OR14J1: variants seen among roughly 807,000 people sequenced by gnomAD.
OR14J1 encodes olfactory receptor 14J1.
For synonymous variants in OR14J1, 140 were observed against 146.7 expected (o/e 0.95, Z 0.33); for missense variants, 378 against 393.4 (o/e 0.96, Z 0.33).
intron 1 of OR14J1, among the ~76,000 whole-genome samples, chr6:29,301,991 A>T (rs1370754053): frequency 6.6e-6 from 1 of 152,144 alleles, no homozygotes; most frequent in Non-Finnish European, 1.5e-5. Context: ...TATAAAGCAT[A>T]AAAAAGTTAG....
chr6:29,310,008 A>G lies in OR14J1; in HGVS notation c.*2353A>G, dbSNP rs1775395789. The G allele has an allele frequency of 6.6e-6, 1 of 152,198 alleles. No homozygotes were observed. Among genetic ancestry groups the G allele is most frequent in the African/African-American group, 2.4e-5 (1 of 41,460 alleles). The allele number at this position is 152,198 out of a possible 1,614,324, so 9.4% of individuals were successfully genotyped here. A position where few individuals can be genotyped will look rare whatever the true frequency, so the allele number is the denominator to read the frequency against. ...TTTAAATTCTTTGTAGATTCTGGAT[A>G]TTAGCCCTTTGTCAGATGGATAGAT... On this transcript the variant is annotated 3_prime_UTR_variant, in exon 2 of 2. Coordinates refer to ENST00000641895, the MANE Select transcript of OR14J1 (RefSeq NM_030946.2).
intron 1 of OR14J1, among the ~76,000 whole-genome samples, chr6:29,304,415 A>T (rs1036650368): frequency 6.6e-6 from 1 of 152,176 alleles, no homozygotes; most frequent in African/African-American, 2.4e-5. Context: ...AACAAATGAC[A>T]TTGAAAGAAT....
intron 1 of OR14J1, among the ~76,000 whole-genome samples, chr6:29,303,858 TAC>T (rs995542810): frequency 1.3e-5 from 2 of 152,098 alleles, no homozygotes; most frequent in South Asian, 2.1e-4. Flanking sequence ...GTTGATTTTA[TAC>T]ACACACATAT....
chr6:29,305,033 T>G (rs1774984925), intron 1 of OR14J1, among the ~76,000 whole-genome samples: 1 of 152,170 alleles, frequency 6.6e-6, no homozygotes, highest in Admixed American at 6.5e-5. Flanking sequence ...TTAAGCTATA[T>G]CTTATGGAGG....
rs921890402 is a variant in OR14J1, at chr6:29,311,114, C to A, written c.*3459C>A. On this transcript the variant is annotated 3_prime_UTR_variant, in exon 2 of 2. Coordinates refer to ENST00000641895, the MANE Select transcript of OR14J1 (RefSeq NM_030946.2). ...GAATACCTTTTATTTTTTTCTCTTG[C>A]CTGATTGCCCTGGCCAGAACTTCCA... 5 of 152,116 alleles carry A rather than the reference C, an allele frequency of 3.3e-5. No homozygotes were observed. The highest frequency in any genetic ancestry group is 1.2e-4 in the African/African-American group (5 of 41,534). 9.4% of individuals were successfully genotyped at this position (152,116 alleles called of 1,614,324 possible).
chr6:29,305,854 C>G (rs1489891851), intron 1 of OR14J1, among the ~76,000 whole-genome samples: 1 of 151,912 alleles, frequency 6.6e-6, no homozygotes, highest in Non-Finnish European at 1.5e-5. Context: ...AGACACAGCA[C>G]TAGAAAGATA....
In OR14J1 at chr6:29,306,834, G is replaced by A. The variant is rs769244586; in HGVS notation, c.145G>A (p.Val49Met). 31 of 1,612,994 alleles carry A rather than the reference G, an allele frequency of 1.9e-5. No homozygotes were observed. Among genetic ancestry groups the A allele is most frequent in the East Asian group, 1.6e-4 (7 of 44,882 alleles). Residue 49 changes from valine to methionine, a missense_variant, in exon 2 of 2, where the codon GTG becomes ATG. Transcript: ENST00000641895. The part of the protein sequence containing the change: ...GNLLIITIIT[V>M]DRRLHSPMYY... ...CCTCCTCATTATCACCATCATTACCGTGGACCGTCGTCTCCATTCCCCCAT... is the reference window on the plus strand; with the variant it reads ...CCTCCTCATTATCACCATCATTACCATGGACCGTCGTCTCCATTCCCCCAT...
At position 29,306,714 on chromosome 6, in the gene OR14J1, G is replaced by A; in HGVS notation, c.25G>A (p.Gly9Arg). The A allele has an allele frequency of 6.2e-7, 1 of 1,612,388 alleles. No individual in the cohort carries two copies. Residue 9 changes from glycine (G) to arginine (R), a missense_variant, in exon 2 of 2, where the codon GGA (glycine) becomes AGA (arginine). Gly to Arg is a moderately radical substitution (Grantham distance 125). Coordinates refer to ENST00000641895, the MANE Select transcript of OR14J1 (RefSeq NM_030946.2). Reference sequence around the variant, plus strand: ...TATGGTCAATTTGACTTCAATGAGTGGATTCCTTCTTATGGGGTTTTCTGA... The same window carrying A: ...TATGGTCAATTTGACTTCAATGAGTAGATTCCTTCTTATGGGGTTTTCTGA... MVNLTSMS[G>R]FLLMGFSDER...
At chr6:29,301,841 C>T (rs1774717109) in intron 1 of OR14J1, 54 bp downstream of exon 1, 1 of 152,206 alleles carries the variant, frequency 6.6e-6, no homozygotes. Flanking sequence ...TATGTAGCAC[C>T]TGCTTAGTGC....
At chr6:29,305,076 G>A (rs550529639) in intron 1 of OR14J1, among the ~76,000 whole-genome samples, 1 of 152,298 alleles carries the variant, frequency 6.6e-6, no homozygotes, top group Non-Finnish European at 1.5e-5. Flanking sequence ...GAAAGCTAGA[G>A]AAACTTTGAA....
Position 29,306,687 on chromosome 6 carries a change from A to G in OR14J1, c.-3A>G, listed in dbSNP as rs147772712. On this transcript the variant is annotated 5_prime_UTR_variant, in exon 2 of 2. Coordinates refer to ENST00000641895, the MANE Select transcript of OR14J1 (RefSeq NM_030946.2). ...AGTCACACTTGGTATCTTCAGAGAG[A>G]CTATGGTCAATTTGACTTCAATGAG... The G allele has an allele frequency of 1.5e-3, 2,396 of 1,596,550 alleles. 16 individuals are homozygous for G. The African/African-American group carries it at 0.018, about 12-fold the overall frequency.
chr6:29,306,674 T>G lies in OR14J1; in HGVS notation c.-16T>G, dbSNP rs1348152684. On this transcript the variant is annotated 5_prime_UTR_variant, in exon 2 of 2. Coordinates refer to ENST00000641895, the MANE Select transcript of OR14J1 (RefSeq NM_030946.2). ...GCTTCCTAAACAGAGTCACACTTGG[T>G]ATCTTCAGAGAGACTATGGTCAATT... The G allele has an allele frequency of 5.9e-6, 9 of 1,531,714 alleles. No homozygotes were observed. The highest frequency in any genetic ancestry group is 8.1e-6 in the Non-Finnish European group (9 of 1,109,388). The allele number at this position is 1,531,714 out of a possible 1,614,324, so 94.9% of individuals were successfully genotyped here. A position where few individuals can be genotyped will look rare whatever the true frequency, so the allele number is the denominator to read the frequency against.
At position 29,308,252 on chromosome 6, in the gene OR14J1, G is replaced by C. The variant is rs1452961207; in HGVS notation, c.*597G>C. 1.3e-5 allele frequency: 2 copies of C among 152,078 alleles called. No individual in the cohort carries two copies. The highest frequency in any genetic ancestry group is 2.9e-5 in the Non-Finnish European group (2 of 68,014). 9.4% of individuals were successfully genotyped at this position (152,078 alleles called of 1,614,324 possible). A position where few individuals can be genotyped will look rare whatever the true frequency, so the allele number is the denominator to read the frequency against. On this transcript the variant is annotated 3_prime_UTR_variant, in exon 2 of 2. Coordinates refer to ENST00000641895, the MANE Select transcript of OR14J1 (RefSeq NM_030946.2). ...CTCAAATAAATGGTAGTTAAGCTCT[G>C]ATTCAAATTAATATTTGTCTGACTC...
At chr6:29,304,878 G>A (rs1413151893) in intron 1 of OR14J1, among the ~76,000 whole-genome samples, 1 of 152,126 alleles carries the variant, frequency 6.6e-6, no homozygotes, top group Non-Finnish European at 1.5e-5. Context: ...GTAACACGAT[G>A]CTTTTGATTT....
rs974708718 is a variant in OR14J1, at chr6:29,311,171, G to T, written c.*3516G>T. On this transcript the variant is annotated 3_prime_UTR_variant, in exon 2 of 2. Transcript: ENST00000641895. The stretch of plus-strand genomic sequence containing the variant: ...TGTTGAATAAGAGTGGTGAGAGAGG[G>T]CATCCTTGTCTTGTGACAGTTTTCT... 2.3e-4 allele frequency: 35 copies of T among 152,256 alleles called. No individual in the cohort carries two copies. Among genetic ancestry groups the T allele is most frequent in the African/African-American group, 7.7e-4 (32 of 41,530 alleles). 9.4% of individuals were successfully genotyped at this position (152,256 alleles called of 1,614,324 possible).
chr6:29,307,445 T>C lies in OR14J1; in HGVS notation c.756T>C (p.Ala252=). ...HLFVATFFLS[A]AGFEFLRLPS... is the part of the protein sequence containing the mutation. ...TTGTAGCCACCTTCTTTCTTTCAGC[T>C]GCAGGCTTTGAGTTTCTCAGACTGC... Residue 252 remains alanine (A), a synonymous_variant, in exon 2 of 2, where the codon GCT becomes GCC. Transcript: ENST00000641895. 1 of 1,613,078 alleles carries C rather than the reference T, an allele frequency of 6.2e-7. No individual in the cohort carries two copies. Among genetic ancestry groups the C allele is most frequent in the East Asian group, 2.2e-5 (1 of 44,880 alleles).
rs146123664 is a variant in OR14J1, at chr6:29,307,286, A to G, written c.597A>G (p.Ala199=). The G allele has an allele frequency of 6.2e-7, 1 of 1,613,000 alleles. No individual in the cohort carries two copies. The highest frequency in any genetic ancestry group is 8.5e-7 in the Non-Finnish European group (1 of 1,180,006). Reference sequence around the variant, plus strand: ...TCATTAATGAGATTGCACTGGCTGCATTCACAACGTCTGCAGCATTTATCT... The same window carrying G: ...TCATTAATGAGATTGCACTGGCTGCGTTCACAACGTCTGCAGCATTTATCT... ...YEFINEIALA[A]FTTSAAFICL... is the part of the protein sequence containing the mutation. The change falls in exon 2 of 2, where the codon GCA becomes GCG. Residue 199 remains alanine, a synonymous_variant. Coordinates refer to ENST00000641895, the MANE Select transcript of OR14J1 (RefSeq NM_030946.2).
At chr6:29,302,202 C>G (rs1417125239) in intron 1 of OR14J1, among the ~76,000 whole-genome samples, 8 of 30,494 alleles carry the variant, frequency 2.6e-4, no homozygotes, top group Non-Finnish European at 7.5e-4. Flanking sequence ...TTTTTTGAGA[C>G]GAGTCTCGCT....
intron 1 of OR14J1, among the ~76,000 whole-genome samples, chr6:29,306,233 G>A (rs1775073980): frequency 6.6e-6 from 1 of 152,108 alleles, no homozygotes; most frequent in Non-Finnish European, 1.5e-5. Flanking sequence ...TTCTAGATCT[G>A]CCTCTGAGCT....
Sources: gnomAD v4.1 joint callset for allele counts (sites outside exome capture counted in the v4.1 genomes callset) on GRCh38, gnomAD v4.1.1 for gene constraint, MANE v1.5 for transcripts, NCBI Gene and HGNC (gene_info 2026-07-23, HGNC 2026-07-21) for gene names.